Variants in SLC4A4 observed in about 807,000 individuals in gnomAD.
SLC4A4 encodes the protein electrogenic sodium bicarbonate cotransporter 1.
Under a neutral mutation model 111.5 loss-of-function variants are expected in SLC4A4, and 27 were observed. The ratio of observed to expected loss-of-function variants is 0.24; its 90% CI spans 0.18 to 0.33. SLC4A4 has a LOEUF of 0.33. Ranked by LOEUF, SLC4A4 falls within the 10% of genes least tolerant of loss-of-function variation. SLC4A4 has a pLI of 1.00. For synonymous variants in SLC4A4, 443 were observed against 463.4 expected, an observed-to-expected ratio of 0.96 and a Z score of 0.57; for missense variants, 909 against 1,315.5, an observed-to-expected ratio of 0.69 and a Z score of 4.78.
chr4:71,495,407 G>A (rs1029264502), intron 15 of SLC4A4, among the ~76,000 whole-genome samples: 5 of 152,074 alleles, frequency 3.3e-5, no homozygotes, highest in Non-Finnish European at 1.5e-5. Context: ...AACTTTAAAT[G>A]TATGCTGCTG....
chr4:71,328,399 A>G (rs1727671950), intron 3 of SLC4A4, among the ~76,000 whole-genome samples: 1 of 151,992 alleles, frequency 6.6e-6, no homozygotes, highest in African/African-American at 2.4e-5. Context: ...TTTTTGAGAA[A>G]CTTCCACGCT....
chr4:71,178,617 C>T (rs920867859), intron 2 of SLC4A4, among the ~76,000 whole-genome samples: 1 of 152,124 alleles, frequency 6.6e-6, no homozygotes, highest in Admixed American at 6.5e-5. Flanking sequence ...GAAATGGATA[C>T]ATTCCTCAAC....
chr4:71,371,797 C>T (rs774953262), intron 6 of SLC4A4, among the ~76,000 whole-genome samples: 5 of 152,080 alleles, frequency 3.3e-5, no homozygotes, highest in Non-Finnish European at 5.9e-5. Context: ...GTCTGTATCT[C>T]ATGCTTTTGT....
chr4:71,173,509 T>A lies in SLC4A4; in HGVS notation c.-1-63067T>A, dbSNP rs1412586521. On this transcript the variant is annotated intron_variant, in intron 2 of 26. Transcript: ENST00000649996. ...GATTCTCCTGCCTCAGCCTCCCAAG[T>A]AGCTGGGATTACAGGCACATGCCAC... 4.6e-5 allele frequency among the ~76,000 whole-genome samples: 7 copies of A among 152,152 alleles called. No individual in the cohort carries two copies. The East Asian group carries it at 1.3e-3, about 29-fold the overall frequency.
intron 18 of SLC4A4, among the ~76,000 whole-genome samples, chr4:71,536,478 A>ATATATATATATATATATATC: frequency 1.1e-5 from 1 of 92,512 alleles, no homozygotes; most frequent in African/African-American, 3.6e-5. Flanking sequence ...ATATATATAT[A>ATATATATATATATATATATC]TATATATATG....
intron 2 of SLC4A4, among the ~76,000 whole-genome samples, chr4:71,246,887 T>C (rs1720702034): frequency 6.6e-6 from 1 of 152,158 alleles, no homozygotes; most frequent in South Asian, 2.1e-4. Flanking sequence ...TATTTGACTT[T>C]AGTTAGATCA....
At chr4:71,142,761 C>CTTTT (rs34495804) in intron 2 of SLC4A4, among the ~76,000 whole-genome samples, 70 of 78,030 alleles carry the variant, frequency 9.0e-4, no homozygotes, top group African/African-American at 3.1e-3. Flanking sequence ...TTTTCTCACT[C>CTTTT]TTTTTTTTTT....
chr4:71,166,373 T>C (rs1744743432), intron 2 of SLC4A4, among the ~76,000 whole-genome samples: 2 of 152,212 alleles, frequency 1.3e-5, no homozygotes, highest in Non-Finnish European at 2.9e-5. Flanking sequence ...AGGTATTCTT[T>C]TGAAAGAACT....
intron 1 of SLC4A4, chr4:71,235,975 G>A: frequency 4.3e-6 from 4 of 934,980 alleles, no homozygotes; most frequent in Non-Finnish European, 5.1e-6. Flanking sequence ...TTTCCGTAAG[G>A]CCAGCATGTG....
intron 18 of SLC4A4, among the ~76,000 whole-genome samples, chr4:71,543,536 T>TC (rs1735250626): frequency 6.6e-6 from 1 of 152,106 alleles, no homozygotes; most frequent in African/African-American, 2.4e-5. Context: ...AAATCTTCAT[T>TC]TCACCCTCTT....
At chr4:71,511,406 C>CT (rs930873349) in intron 16 of SLC4A4, among the ~76,000 whole-genome samples, 3 of 151,604 alleles carry the variant, frequency 2.0e-5, no homozygotes, top group Non-Finnish European at 2.9e-5. Flanking sequence ...CCCTTATGCT[C>CT]TTTTTTTTGT....
rs753813854 is a variant in SLC4A4 at position 71,558,072 on chromosome 4, G to A, written c.2937+187G>A. Among the ~76,000 whole-genome samples the A allele has an allele frequency of 4.0e-4, 61 of 151,894 alleles. 1 individual carries two copies. Among genetic ancestry groups the A allele is most frequent in the Non-Finnish European group, 8.1e-4 (55 of 67,928 alleles). ...TTGTCTAGGATGGACCTTAGAATCA[G>A]GCTCACCTAAGTTCAGATACTGGCC... is the stretch of plus-strand genomic sequence containing the variant. On this transcript the variant is annotated intron_variant, in intron 22 of 25. Transcript: ENST00000264485.
intron 6 of SLC4A4, among the ~76,000 whole-genome samples, chr4:71,371,640 C>A (rs890213412): frequency 2.6e-5 from 4 of 152,094 alleles, no homozygotes; most frequent in African/African-American, 7.2e-5. Flanking sequence ...AAACACAGAT[C>A]TTTTCAAGTC....
intron 2 of SLC4A4, among the ~76,000 whole-genome samples, chr4:71,140,466 G>A (rs1017253366): frequency 1.3e-5 from 2 of 152,106 alleles, no homozygotes; most frequent in African/African-American, 2.4e-5. Flanking sequence ...ACTTCCAAAT[G>A]TATATCTTCA....
chr4:71,316,612 G>A (rs1199650374), intron 3 of SLC4A4, among the ~76,000 whole-genome samples: 1 of 152,090 alleles, frequency 6.6e-6, no homozygotes, highest in African/African-American at 2.4e-5. Flanking sequence ...TGTTACACAA[G>A]TAAATGTGTG....
At chr4:71,505,260 A>T (rs1731305630) in intron 16 of SLC4A4, among the ~76,000 whole-genome samples, 2 of 152,072 alleles carry the variant, frequency 1.3e-5, no homozygotes, top group Admixed American at 1.3e-4. Context: ...ATGGATATAT[A>T]AAACTTTATA....
chr4:71,469,387 A>G (rs549640640), intron 13 of SLC4A4, among the ~76,000 whole-genome samples: 1 of 151,968 alleles, frequency 6.6e-6, no homozygotes, highest in South Asian at 2.1e-4. Context: ...TAGGGAGTTT[A>G]TATTTATTTG....
At chr4:71,213,405 C>T (rs1046103132) in intron 1 of SLC4A4, among the ~76,000 whole-genome samples, 3 of 152,166 alleles carry the variant, frequency 2.0e-5, no homozygotes, top group African/African-American at 7.2e-5. Flanking sequence ...GAGACTAAAA[C>T]ACAAGAAAGC....
intron 13 of SLC4A4, 133 bp from the exon 14 acceptor site, chr4:71,472,561 CTAAAG>C (rs1246145967): frequency 4.8e-6 from 4 of 830,950 alleles, no homozygotes; most frequent in South Asian, 3.2e-5. Flanking sequence ...TGCTTTCTGG[CTAAAG>C]TAGAGTTTCA....
Sources: allele counts gnomAD v4.1 joint callset (sites outside exome capture counted in the v4.1 genomes callset), GRCh38; gene constraint gnomAD v4.1.1; transcripts MANE v1.5; gene names NCBI Gene and HGNC (gene_info 2026-07-23, HGNC 2026-07-21).